Variants in KCNK9 observed in about 807,000 individuals in gnomAD.
KCNK9 encodes potassium channel subfamily K member 9.
A neutral mutation model predicts 10.8 loss-of-function variants in KCNK9; 1 was observed. The observed-to-expected ratio is 0.09, with a 90% confidence interval of 0.03 to 0.44. KCNK9 has a LOEUF of 0.44. Among genes scored for constraint, KCNK9 ranks in the 20% least tolerant of loss-of-function variants. KCNK9 has a pLI of 0.97. For missense variants in KCNK9, 303 were observed against 515.0 expected, an observed-to-expected ratio of 0.59 and a Z score of 3.98; for synonymous variants, 231 against 222.7, an observed-to-expected ratio of 1.04 and a Z score of -0.33.
intron 1 of KCNK9, among the ~76,000 whole-genome samples, chr8:139,638,842 G>C (rs144901565): frequency 6.6e-6 from 1 of 152,302 alleles, no homozygotes; most frequent in South Asian, 2.1e-4. Context: ...GGCATCATCC[G>C]CTCTGCCTGT....
At chr8:139,629,460 T>A (rs1254431339) in intron 1 of KCNK9, among the ~76,000 whole-genome samples, 1 of 152,232 alleles carries the variant, frequency 6.6e-6, no homozygotes, top group Admixed American at 6.5e-5. Flanking sequence ...CAAACGTCCA[T>A]CAGTGGATAG....
chr8:139,641,383 T>C (rs1221773399), intron 1 of KCNK9, among the ~76,000 whole-genome samples: 3 of 152,156 alleles, frequency 2.0e-5, no homozygotes, highest in East Asian at 3.9e-4. Flanking sequence ...TGGCAGGACA[T>C]AGGGCTCAGC....
intron 1 of KCNK9, among the ~76,000 whole-genome samples, chr8:139,663,209 C>T (rs538332004): frequency 1.3e-5 from 2 of 152,292 alleles, no homozygotes; most frequent in South Asian, 4.2e-4. Flanking sequence ...TACACATGCA[C>T]ACACACGTGC....
At chr8:139,621,910 A>G (rs1336755395) in intron 1 of KCNK9, among the ~76,000 whole-genome samples, 1 of 152,198 alleles carries the variant, frequency 6.6e-6, no homozygotes, top group Non-Finnish European at 1.5e-5. Flanking sequence ...CATGTGATAT[A>G]TTTACTGGAA....
intron 1 of KCNK9, among the ~76,000 whole-genome samples, chr8:139,677,892 C>T (rs1422053571): frequency 7.1e-6 from 1 of 141,798 alleles, no homozygotes; most frequent in Admixed American, 6.8e-5. Context: ...GAATGCCTCA[C>T]ATCTGAGCCC....
At chr8:139,666,898 C>T (rs1224515908) in intron 1 of KCNK9, among the ~76,000 whole-genome samples, 1 of 152,260 alleles carries the variant, frequency 6.6e-6, no homozygotes, top group African/African-American at 2.4e-5. Flanking sequence ...CTTGGCTTTG[C>T]CCTGGCCCAG....
At position 139,607,379 on chromosome 8, in the gene KCNK9, C is replaced by T. The variant is rs576714444; in HGVS notation, c.*1-5778G>A. ...AGGACAGCAGGCAGCACATGCTCAA[C>T]GTGCTCAGTCAATAGTGGCTGGAGA... On this transcript the variant is annotated intron_variant, in intron 2 of 2. Coordinates refer to the KCNK9 transcript ENST00000650269. Among the ~76,000 whole-genome samples the T allele has an allele frequency of 3.0e-4, 45 of 152,338 alleles. No individual in the cohort carries two copies. The East Asian group carries it at 4.5e-3, about 15-fold the overall frequency.
intron 1 of KCNK9, among the ~76,000 whole-genome samples, chr8:139,688,866 G>A (rs569011377): frequency 1.3e-4 from 20 of 152,262 alleles, no homozygotes; most frequent in Non-Finnish European, 2.4e-4. Context: ...CCCTGATCTC[G>A]CTTAATCCTC....
chr8:139,603,198 A>T (rs928116019), intron 2 of KCNK9, among the ~76,000 whole-genome samples: 1 of 152,242 alleles, frequency 6.6e-6, no homozygotes, highest in Non-Finnish European at 1.5e-5. Flanking sequence ...GATGACAGTG[A>T]TGAAGACTCC....
intron 1 of KCNK9, among the ~76,000 whole-genome samples, chr8:139,648,223 C>T (rs1345507825): frequency 6.6e-6 from 1 of 152,120 alleles, no homozygotes; most frequent in African/African-American, 2.4e-5. Context: ...GGCAAATCCA[C>T]AGAGACAGAA....
Position 139,702,664 on chromosome 8 carries a change from G to A in KCNK9, c.283+46C>T, listed in dbSNP as rs1424866566. 5 of 1,558,386 alleles carry A rather than the reference G, an allele frequency of 3.2e-6. No individual in the cohort carries two copies. The African/African-American group carries it at 6.8e-5, about 21-fold the overall frequency. On this transcript the variant is annotated intron_variant, in intron 1 of 1. Coordinates refer to ENST00000520439, the MANE Select transcript of KCNK9 (RefSeq NM_001282534.2). The surrounding 1 kb of genome is among the most constrained non-coding windows in gnomAD (Gnocchi z 7.5). Reference sequence around the variant, plus strand: ...CGCGGCGCGCTCAGCCGCCTCCCCGGACTCCTCCCGGGGCGCGGGAGCCCA... The same window carrying A: ...CGCGGCGCGCTCAGCCGCCTCCCCGAACTCCTCCCGGGGCGCGGGAGCCCA...
In KCNK9 at chr8:139,659,767, C is replaced by T. The variant is rs113837750; in HGVS notation, c.284-40668G>A. On this transcript the variant is annotated intron_variant, in intron 1 of 1. Coordinates refer to ENST00000520439, the MANE Select transcript of KCNK9 (RefSeq NM_001282534.2). ...GTCTCGATCTGACTTCATGATCCGC[C>T]TGCCTTGGCCTCCCAAAGTGCTGGG... Among the ~76,000 whole-genome samples the T allele has an allele frequency of 5.9e-3, 901 of 151,624 alleles. 9 individuals carry two copies. The highest frequency in any genetic ancestry group is 0.02 in the African/African-American group (843 of 41,266).
At chr8:139,668,702 G>A (rs149593680) in intron 1 of KCNK9, among the ~76,000 whole-genome samples, 4 of 152,332 alleles carry the variant, frequency 2.6e-5, no homozygotes, top group South Asian at 2.1e-4. Context: ...GATTACAGGC[G>A]TGAGCCACCG....
Position 139,703,065 on chromosome 8 carries a change from C to T in KCNK9, c.-73G>A, listed in dbSNP as rs1350665949. On this transcript the variant is annotated 5_prime_UTR_variant, in exon 1 of 2. Transcript: ENST00000520439. The surrounding 1 kb of genome is among the most constrained non-coding windows in gnomAD (Gnocchi z 6.4). Reference sequence around the variant, plus strand: ...AGCCGCGCGCGTCCCACTGCAGCGCCCGGCGGCCGCCGCCGCCTCCTCCTC... The same window carrying T: ...AGCCGCGCGCGTCCCACTGCAGCGCTCGGCGGCCGCCGCCGCCTCCTCCTC... The T allele has an allele frequency of 2.3e-6, 3 of 1,283,640 alleles. No homozygotes were observed. Among genetic ancestry groups the T allele is most frequent in the Non-Finnish European group, 2.0e-6 (2 of 1,014,248 alleles). The allele number at this position is 1,283,640 out of a possible 1,614,324, so 79.5% of individuals were successfully genotyped here.
At chr8:139,626,982 C>T (rs569968531) in intron 1 of KCNK9, among the ~76,000 whole-genome samples, 2 of 152,270 alleles carry the variant, frequency 1.3e-5, no homozygotes, top group East Asian at 3.9e-4. Context: ...GGAATGAACT[C>T]GGCATGATTT....
chr8:139,635,850 T>C (rs909212244), intron 1 of KCNK9, among the ~76,000 whole-genome samples: 7 of 152,154 alleles, frequency 4.6e-5, no homozygotes, highest in African/African-American at 1.7e-4. Flanking sequence ...GAGGAGGTGG[T>C]ATAGAAGTAA....
downstream of KCNK9, among the ~76,000 whole-genome samples, chr8:139,614,783 T>C (rs1422262813): frequency 1.3e-5 from 2 of 152,232 alleles, no homozygotes; most frequent in African/African-American, 2.4e-5. Context: ...GATATTACTC[T>C]CACTTGAACT....
intron 2 of KCNK9, among the ~76,000 whole-genome samples, chr8:139,604,916 C>T (rs1213399138): frequency 6.6e-6 from 1 of 152,166 alleles, no homozygotes; most frequent in East Asian, 1.9e-4. Flanking sequence ...GCCAGCATCT[C>T]CCGTTAATCT....
At chr8:139,636,508 G>C (rs932753116) in intron 1 of KCNK9, among the ~76,000 whole-genome samples, 1 of 152,216 alleles carries the variant, frequency 6.6e-6, no homozygotes, top group Admixed American at 6.5e-5. Context: ...AGCAGAGGTA[G>C]ACTCAGCTCC....
Sources: allele counts gnomAD v4.1 joint callset (sites outside exome capture counted in the v4.1 genomes callset), GRCh38; gene constraint gnomAD v4.1.1; non-coding constraint Gnocchi (gnomAD v3.1); transcripts MANE v1.5; gene names NCBI Gene and HGNC (gene_info 2026-07-23, HGNC 2026-07-21).